Variants in OPCML observed in about 807,000 individuals in gnomAD.
The protein encoded by OPCML is opioid-binding protein/cell adhesion molecule.
OPCML carries 13 observed loss-of-function variants against 37.8 expected under a neutral mutation model. The ratio of observed to expected loss-of-function variants is 0.34; its 90% CI spans 0.22 to 0.55. The LOEUF (loss-of-function observed/expected upper bound fraction) is 0.55, where lower values mean the gene tolerates loss of function less well. OPCML is among the 20% of genes least tolerant of loss of function. The pLI, the probability that OPCML is intolerant of heterozygous loss-of-function variation, is 0.91. For missense variants in OPCML, 341 were observed against 435.6 expected, an observed-to-expected ratio of 0.78 and a Z score of 1.93; for synonymous variants, 176 against 168.8, an observed-to-expected ratio of 1.04 and a Z score of -0.33.
rs1948350612 is a variant in OPCML, at chr11:133,519,132, G to C, written c.61+13132C>G. Among the ~76,000 whole-genome samples the C allele has an allele frequency of 2.0e-5, 3 of 152,130 alleles. No homozygotes were observed. The South Asian group carries it at 6.2e-4, about 32-fold the overall frequency. On this transcript the variant is annotated intron_variant, in intron 1 of 7. Transcript: ENST00000524381. Reference sequence around the variant, plus strand: ...TCCGTCTCTGTCCCAGCAGAACCTTGTGCTGGGTGGTCTGGGCTTCACCTT... The same window carrying C: ...TCCGTCTCTGTCCCAGCAGAACCTTCTGCTGGGTGGTCTGGGCTTCACCTT...
At chr11:132,960,576 C>T (rs1565368435) in intron 1 of OPCML, among the ~76,000 whole-genome samples, 1 of 152,182 alleles carries the variant, frequency 6.6e-6, no homozygotes, top group Non-Finnish European at 1.5e-5. Context: ...CTCTATTTTC[C>T]ACCATCTCCC....
At chr11:133,455,157 G>A (rs1267362440) in intron 1 of OPCML, among the ~76,000 whole-genome samples, 1 of 152,116 alleles carries the variant, frequency 6.6e-6, no homozygotes, top group Non-Finnish European at 1.5e-5. Flanking sequence ...ACAAAGAGTT[G>A]AGGAAAGTTA....
chr11:132,437,524 C>A (rs2096017314), intron 4 of OPCML, 165 bp from the exon 5 acceptor site: 1 of 972,984 alleles, frequency 1.0e-6, no homozygotes, highest in African/African-American at 1.8e-5. Context: ...AAAGATACGG[C>A]AAAGGAAGAA....
intron 2 of OPCML, among the ~76,000 whole-genome samples, chr11:132,734,110 C>G (rs1247210786): frequency 1.3e-5 from 2 of 152,068 alleles, no homozygotes; most frequent in Non-Finnish European, 2.9e-5. Flanking sequence ...AAGTACTTAT[C>G]ATAATTCTTG....
chr11:132,436,281 G>A (rs996723471), intron 6 of OPCML, 44 bp from the exon 7 acceptor site: 2 of 1,613,418 alleles, frequency 1.2e-6, no homozygotes, highest in Non-Finnish European at 1.7e-6. Flanking sequence ...CTACAAAGAG[G>A]CCCTCCTCCT....
At chr11:133,453,303 C>A (rs916686164) in intron 1 of OPCML, among the ~76,000 whole-genome samples, 4 of 152,096 alleles carry the variant, frequency 2.6e-5, no homozygotes, top group African/African-American at 9.7e-5. Flanking sequence ...TAAATACGTG[C>A]ATTTTAAAAA....
chr11:133,262,464 C>T (rs1009276672), intron 1 of OPCML, among the ~76,000 whole-genome samples: 1 of 152,190 alleles, frequency 6.6e-6, no homozygotes, highest in Non-Finnish European at 1.5e-5. Context: ...ACAGGCATTC[C>T]TTTAACTCTC....
chr11:132,509,886 T>C (rs2096265212), intron 4 of OPCML, among the ~76,000 whole-genome samples: 1 of 152,152 alleles, frequency 6.6e-6, no homozygotes, highest in African/African-American at 2.4e-5. Flanking sequence ...CTAGTTGAGC[T>C]GTGAGAAGAG....
intron 1 of OPCML, among the ~76,000 whole-genome samples, chr11:133,241,095 A>G (rs1940714246): frequency 6.6e-6 from 1 of 152,222 alleles, no homozygotes; most frequent in Admixed American, 6.5e-5. Flanking sequence ...GCTCATGCTT[A>G]GGTGCATGTC....
chr11:133,013,849 A>G (rs1290940317), intron 1 of OPCML, among the ~76,000 whole-genome samples: 1 of 152,206 alleles, frequency 6.6e-6, no homozygotes, highest in African/African-American at 2.4e-5. Context: ...TAGGCTGGGT[A>G]AGAGACCAAA....
At chr11:132,990,145 A>G (rs1333959805) in intron 1 of OPCML, among the ~76,000 whole-genome samples, 1 of 152,196 alleles carries the variant, frequency 6.6e-6, no homozygotes, top group African/African-American at 2.4e-5. Context: ...CCATGACTGA[A>G]AGCAGGCGGG....
intron 3 of OPCML, among the ~76,000 whole-genome samples, chr11:132,597,907 C>T (rs965404739): frequency 4.6e-5 from 7 of 152,100 alleles, no homozygotes; most frequent in Non-Finnish European, 8.8e-5. Context: ...CTATTCCACA[C>T]ATTTGACGTG....
chr11:133,226,402 A>T (rs1940040876), intron 1 of OPCML, among the ~76,000 whole-genome samples: 1 of 152,236 alleles, frequency 6.6e-6, no homozygotes, highest in Non-Finnish European at 1.5e-5. Flanking sequence ...CTTTTTACCC[A>T]GTCAAATGCT....
intron 1 of OPCML, among the ~76,000 whole-genome samples, chr11:133,151,358 A>G (rs182122097): frequency 1.3e-4 from 20 of 152,212 alleles, no homozygotes; most frequent in Admixed American, 1.3e-3. Flanking sequence ...AATGGGCCTC[A>G]GAGGCTCCCA....
rs144809579 is a variant in OPCML at position 133,093,243 on chromosome 11, G to A, written c.62-150233C>T. Reference sequence around the variant, plus strand: ...CCAACCCCCCCAACCTTTCCCCTGCGTCCCCCAAATCCAATGTATCGTTCT... The same window carrying A: ...CCAACCCCCCCAACCTTTCCCCTGCATCCCCCAAATCCAATGTATCGTTCT... On this transcript the variant is annotated intron_variant, in intron 1 of 7. Coordinates refer to ENST00000524381, the MANE Select transcript of OPCML (RefSeq NM_001012393.5). 4.2e-3 allele frequency among the ~76,000 whole-genome samples: 599 copies of A among 143,692 alleles called. 1 individual carries two copies. Among genetic ancestry groups the A allele is most frequent in the Middle Eastern group, 0.018 (5 of 278 alleles). The allele number at this position is 143,692 out of a possible 152,430, so 94.3% of individuals were successfully genotyped here. A position where few individuals can be genotyped will look rare whatever the true frequency, so the allele number is the denominator to read the frequency against.
At chr11:133,400,018 A>G (rs1945368468) in intron 1 of OPCML, among the ~76,000 whole-genome samples, 1 of 152,146 alleles carries the variant, frequency 6.6e-6, no homozygotes. Flanking sequence ...TAAGAGGGCC[A>G]CCTGTCTTCC....
At chr11:133,293,691 C>T (rs535226119) in intron 1 of OPCML, among the ~76,000 whole-genome samples, 91 of 152,078 alleles carry the variant, frequency 6.0e-4, no homozygotes, top group African/African-American at 2.0e-3. Flanking sequence ...TCCAATTTAC[C>T]CCAAAGAAGA....
intron 1 of OPCML, among the ~76,000 whole-genome samples, chr11:133,460,620 A>G (rs1463065883): frequency 6.6e-6 from 1 of 151,872 alleles, no homozygotes; most frequent in Non-Finnish European, 1.5e-5. Context: ...AGAAACACAC[A>G]CCTTACCAGG....
chr11:133,031,671 T>TA (rs1198897863), intron 1 of OPCML, among the ~76,000 whole-genome samples: 3 of 151,920 alleles, frequency 2.0e-5, no homozygotes, highest in Admixed American at 6.6e-5. Context: ...AGCATGGTAA[T>TA]AAAAAAAGTG....
Sources: allele counts gnomAD v4.1 joint callset (sites outside exome capture counted in the v4.1 genomes callset), GRCh38; gene constraint gnomAD v4.1.1; transcripts MANE v1.5; gene names NCBI Gene and HGNC (gene_info 2026-07-23, HGNC 2026-07-21).